DAB1: variants seen among roughly 807,000 people sequenced by gnomAD.
DAB1 encodes the protein DAB adaptor protein 1.
A neutral mutation model predicts 64.6 loss-of-function variants in DAB1; 15 were observed. That is an observed-to-expected ratio of 0.23 (90% CI 0.16 to 0.36). The LOEUF is 0.36. DAB1 is among the 10% of genes least tolerant of loss of function. The probability of loss-of-function intolerance (pLI) is 1.00; values close to 1 mark genes in which losing one functional copy is unlikely to be tolerated. For synonymous variants in DAB1, 235 were observed against 251.9 expected (o/e 0.93, Z 0.64); for missense variants, 596 against 706.7 (o/e 0.84, Z 1.78).
chr1:58,156,278 T>G (rs1186460090), intron 4 of DAB1, among the ~76,000 whole-genome samples: 11 of 152,292 alleles, frequency 7.2e-5, no homozygotes, highest in Non-Finnish European at 1.3e-4. Context: ...GTGCCTTAAG[T>G]GGAGAAGTGA....
At chr1:57,043,584 C>T (rs1338798941) in intron 9 of DAB1, among the ~76,000 whole-genome samples, 1 of 152,208 alleles carries the variant, frequency 6.6e-6, no homozygotes, top group Non-Finnish European at 1.5e-5. Flanking sequence ...CGGCGGCTCA[C>T]GCCTGTAATC....
Position 58,430,475 on chromosome 1 carries a change from G to A in DAB1, n.257+75585C>T, listed in dbSNP as rs371850054. On this transcript the variant is annotated intron_variant and non_coding_transcript_variant, in intron 3 of 20. Coordinates refer to the DAB1 transcript ENST00000485760. ...GGTTAAAAAAGGAGGACAAGAAGAA[G>A]AACTGGAAAGGCTGATTTTTAGGAA... 1.8e-4 allele frequency among the ~76,000 whole-genome samples: 28 copies of A among 152,258 alleles called. 1 individual carries two copies. Among genetic ancestry groups the A allele is most frequent in the African/African-American group, 6.7e-4 (28 of 41,556 alleles).
chr1:57,616,674 G>A (rs1420866526), intron 7 of DAB1, among the ~76,000 whole-genome samples: 1 of 152,094 alleles, frequency 6.6e-6, no homozygotes, highest in African/African-American at 2.4e-5. Flanking sequence ...TCTTTTTAAA[G>A]GGGCTAAGAC....
At chr1:57,528,637 G>GACACACACAC (rs372009576) in intron 7 of DAB1, among the ~76,000 whole-genome samples, 15 of 22,132 alleles carry the variant, frequency 6.8e-4, no homozygotes, top group African/African-American at 7.9e-4. Flanking sequence ...AAAGCAGCAG[G>GACACACACAC]ACACACACAC....
intron 1 of DAB1, among the ~76,000 whole-genome samples, chr1:57,842,804 A>T (rs1170843354): frequency 6.6e-6 from 1 of 152,210 alleles, no homozygotes; most frequent in African/African-American, 2.4e-5. Flanking sequence ...ACAATTCTAG[A>T]TGAGATTTGG....
In DAB1 at chr1:57,606,797, G is replaced by T. The variant is rs866690894; in HGVS notation, n.625+42795C>A. On this transcript the variant is annotated intron_variant and non_coding_transcript_variant, in intron 7 of 20. Transcript: ENST00000485760. Reference sequence around the variant, plus strand: ...AATATATTTTATACATATATATATAGAGAGAGAGAGAGACAGATTTTCACC... The same window carrying T: ...AATATATTTTATACATATATATATATAGAGAGAGAGAGACAGATTTTCACC... Among the ~76,000 whole-genome samples the T allele has an allele frequency of 2.6e-3, 272 of 104,994 alleles. 1 individual carries two copies. The highest frequency in any genetic ancestry group is 8.7e-3 in the African/African-American group (214 of 24,562). 68.9% of individuals were successfully genotyped at this position (104,994 alleles called of 152,430 possible).
intron 5 of DAB1, among the ~76,000 whole-genome samples, chr1:58,069,502 C>T (rs946772952): frequency 2.0e-5 from 3 of 152,120 alleles, no homozygotes; most frequent in African/African-American, 7.2e-5. Context: ...ATCCTATGCA[C>T]TGTGGCGGGC....
In DAB1 at chr1:58,311,571, A is replaced by G. The variant is rs1379648535; in HGVS notation, n.309+31781T>C. Among the ~76,000 whole-genome samples, 5 of 152,176 alleles carry G rather than the reference A, an allele frequency of 3.3e-5. 1 individual carries two copies. The East Asian group carries it at 9.6e-4, about 29-fold the overall frequency. ...GGGCCTGGCCATTTCTACCCAGTGC[A>G]GAAATCCTGCCTTGGCAATCTCAGT... On this transcript the variant is annotated intron_variant and non_coding_transcript_variant, in intron 4 of 20. Coordinates refer to the DAB1 transcript ENST00000485760.
Position 57,108,386 on chromosome 1 carries a change from G to A in DAB1, c.306+28157C>T, listed in dbSNP as rs116095499. ...ACCTGCACTCAGCTGTTTGGAACAC[G>A]TTTTCTCTGCTCCATGCAGCAGTTC... On this transcript the variant is annotated intron_variant, in intron 4 of 14. Coordinates refer to ENST00000371236, the MANE Select transcript of DAB1 (RefSeq NM_001365792.1). Among the ~76,000 whole-genome samples the A allele has an allele frequency of 2.2e-3, 328 of 152,270 alleles. 4 individuals are homozygous for A. The highest frequency in any genetic ancestry group is 7.6e-3 in the African/African-American group (315 of 41,558).
chr1:58,249,311 C>T (rs1482061035), intron 4 of DAB1, among the ~76,000 whole-genome samples: 5 of 151,818 alleles, frequency 3.3e-5, no homozygotes, highest in Admixed American at 2.6e-4. Context: ...GAACAGCTCC[C>T]CCCGCCCCGC....
chr1:58,268,321 G>A (rs191088966), intron 4 of DAB1, among the ~76,000 whole-genome samples: 1 of 152,174 alleles, frequency 6.6e-6, no homozygotes. Flanking sequence ...CTGAGTGAAG[G>A]TAAGAATACA....
At chr1:57,321,298 C>G (rs1675694936) in intron 1 of DAB1, among the ~76,000 whole-genome samples, 1 of 152,172 alleles carries the variant, frequency 6.6e-6, no homozygotes, top group Non-Finnish European at 1.5e-5. Flanking sequence ...CTCCTTCCTT[C>G]TCAGAAAGCA....
At position 57,849,561 on chromosome 1, in the gene DAB1, A is replaced by G. The variant is rs79939981; in HGVS notation, n.88-23106T>C. Reference sequence around the variant, plus strand: ...TCTCAGGATGCAGGAGGCAAGGAGAACTTGAGAAACTTTCCCACTTTTAGA... The same window carrying G: ...TCTCAGGATGCAGGAGGCAAGGAGAGCTTGAGAAACTTTCCCACTTTTAGA... On this transcript the variant is annotated intron_variant and non_coding_transcript_variant, in intron 1 of 1. Coordinates refer to the DAB1 transcript ENST00000477280. Among the ~76,000 whole-genome samples the G allele has an allele frequency of 2.1e-3, 322 of 152,300 alleles. 2 individuals carry two copies. The highest frequency in any genetic ancestry group is 7.4e-3 in the African/African-American group (306 of 41,564).
intron 4 of DAB1, among the ~76,000 whole-genome samples, chr1:58,291,856 A>G (rs147191743): frequency 6.6e-6 from 1 of 152,338 alleles, no homozygotes; most frequent in East Asian, 1.9e-4. Context: ...GGTTAATTGT[A>G]TGTATCAACC....
At chr1:57,677,478 T>C (rs3126033) in intron 6 of DAB1, among the ~76,000 whole-genome samples, 112,025 of 152,052 alleles carry the variant, frequency 0.74, 42,173 homozygotes, top group East Asian at 0.93. Context: ...GACTGGAAGG[T>C]CTGTGCTCTT....
At chr1:57,103,152 A>T (rs1308065038) in intron 4 of DAB1, among the ~76,000 whole-genome samples, 1 of 152,162 alleles carries the variant, frequency 6.6e-6, no homozygotes, top group Non-Finnish European at 1.5e-5. Context: ...AGTAAATGAG[A>T]TGCAATGCTA....
intron 6 of DAB1, among the ~76,000 whole-genome samples, chr1:57,705,324 G>C (rs78554798): frequency 1.3e-5 from 2 of 151,990 alleles, no homozygotes; most frequent in Non-Finnish European, 2.9e-5. Context: ...CATAGTTTAG[G>C]TAAGTTCCTG....
In DAB1 at chr1:57,975,033, G is replaced by A. The variant is rs570313097; in HGVS notation, n.388-90871C>T. Among the ~76,000 whole-genome samples the A allele has an allele frequency of 5.3e-5, 8 of 152,176 alleles. No individual in the cohort carries two copies. The East Asian group carries it at 7.7e-4, about 15-fold the overall frequency. ...TGTATTCCCCTCAAATTCATGTGTC[G>A]AAATCTTAACCCCCAATATGATGGC... On this transcript the variant is annotated intron_variant and non_coding_transcript_variant, in intron 5 of 20. Coordinates refer to the DAB1 transcript ENST00000485760.
chr1:58,018,778 G>A (rs1646777951), intron 5 of DAB1, among the ~76,000 whole-genome samples: 1 of 152,084 alleles, frequency 6.6e-6, no homozygotes, highest in Admixed American at 6.5e-5. Flanking sequence ...GCCCTTCCAA[G>A]TCTTCCCTGA....
Sources: gnomAD v4.1 joint callset for allele counts (sites outside exome capture counted in the v4.1 genomes callset) on GRCh38, gnomAD v4.1.1 for gene constraint, MANE v1.5 for transcripts, NCBI Gene and HGNC (gene_info 2026-07-23, HGNC 2026-07-21) for gene names.